The following RIC1 variants were observed in gnomAD, a reference collection of about 807,000 sequenced individuals.
RIC1 encodes RIC1 partner of RAB6A GEF complex, also known as guanine nucleotide exchange factor subunit RIC1.
In RIC1, 88 loss-of-function variants were observed where a neutral mutation model predicts 169.0. The ratio of observed to expected loss-of-function variants is 0.52; its 90% confidence interval spans 0.44 to 0.62. The LOEUF (loss-of-function observed/expected upper bound fraction) is 0.62. Ranked by LOEUF, RIC1 falls within the 20% of genes least tolerant of loss-of-function variation. The pLI is 0.00. For missense variants in RIC1, 1,877 were observed against 1,725.5 expected (o/e 1.09, Z -1.56); for synonymous variants, 790 against 601.5 (o/e 1.31, Z -4.59).
intron 8 of RIC1, among the ~76,000 whole-genome samples, chr9:5,739,188 C>T (rs1274783517): frequency 5.3e-5 from 8 of 152,126 alleles, no homozygotes; most frequent in Non-Finnish European, 8.8e-5. Context: ...TCTGAATCTC[C>T]CTAAGCCTTT....
intron 2 of RIC1, among the ~76,000 whole-genome samples, chr9:5,668,182 A>C (rs1278272559): frequency 6.6e-6 from 1 of 152,128 alleles, no homozygotes; most frequent in East Asian, 1.9e-4. Context: ...TCACGAGAAC[A>C]CCGTGAGGGT....
chr9:5,745,158 A>G (rs1041055296), intron 10 of RIC1, among the ~76,000 whole-genome samples: 4 of 152,194 alleles, frequency 2.6e-5, no homozygotes, highest in Admixed American at 6.6e-5. Flanking sequence ...TATTTTAACC[A>G]CAAACTAAGA....
chr9:5,693,178 T>G (rs1344128534), intron 3 of RIC1, among the ~76,000 whole-genome samples: 1 of 152,156 alleles, frequency 6.6e-6, no homozygotes, highest in Non-Finnish European at 1.5e-5. Context: ...GGCCAGTGGT[T>G]AATCATCCTC....
chr9:5,770,017 G>A (rs1563725730), intron 22 of RIC1, 70 bp from the exon 23 acceptor site: 2 of 1,361,970 alleles, frequency 1.5e-6, no homozygotes, highest in South Asian at 1.4e-5. Flanking sequence ...TAAAAGAGCT[G>A]AATTGAAAAT....
intron 3 of RIC1, among the ~76,000 whole-genome samples, chr9:5,696,557 G>A (rs1563908551): frequency 6.6e-6 from 1 of 151,744 alleles, no homozygotes; most frequent in Non-Finnish European, 1.5e-5. Flanking sequence ...CCCATAGTAT[G>A]TTTTAAAAAT....
chr9:5,686,881 C>A (rs369281852), intron 2 of RIC1, among the ~76,000 whole-genome samples: 1 of 152,024 alleles, frequency 6.6e-6, no homozygotes, highest in South Asian at 2.1e-4. Flanking sequence ...GAAGTGGTTC[C>A]TTCTCTTTGG....
chr9:5,655,041 A>G (rs1486322380), intron 1 of RIC1, among the ~76,000 whole-genome samples: 1 of 152,088 alleles, frequency 6.6e-6, no homozygotes, highest in African/African-American at 2.4e-5. Flanking sequence ...AGACAGTTTT[A>G]TTTATTCCTT....
At chr9:5,687,995 T>C (rs1241118212) in intron 2 of RIC1, among the ~76,000 whole-genome samples, 1 of 152,204 alleles carries the variant, frequency 6.6e-6, no homozygotes, top group Non-Finnish European at 1.5e-5. Context: ...CTGTCATTCA[T>C]CCAGCCAATG....
chr9:5,769,110 G>A lies in RIC1; in HGVS notation c.3278G>A (p.Trp1093Ter), dbSNP rs558509182. 1 of 1,614,078 alleles carries A rather than the reference G, an allele frequency of 6.2e-7. No homozygotes were observed. Among genetic ancestry groups the A allele is most frequent in the African/African-American group, 1.3e-5 (1 of 75,014 alleles). The change falls in exon 22 of 26, where the codon TGG becomes TAG. Residue 1093 changes from tryptophan to a stop codon, truncating the protein, a stop_gained. Coordinates refer to ENST00000414202, the MANE Select transcript of RIC1 (RefSeq NM_020829.4). LOFTEE classifies it high-confidence loss of function. The stretch of plus-strand genomic sequence containing the variant: ...CAGCTGGGCTTTGAACTAATTAGTT[G>A]GCTATGCAAGGAACGTACCCGAGCC... ...AAQLGFELIS[W>*]LCKERTRAAR... is the part of the protein sequence containing the mutation.
intron 6 of RIC1, among the ~76,000 whole-genome samples, chr9:5,724,182 T>G (rs1260294351): frequency 6.6e-6 from 1 of 152,250 alleles, no homozygotes; most frequent in Non-Finnish European, 1.5e-5. Context: ...TGATTCTTCC[T>G]ATCCATGAGC....
At chr9:5,740,963 C>G (rs1291971107) in intron 8 of RIC1, among the ~76,000 whole-genome samples, 1 of 152,164 alleles carries the variant, frequency 6.6e-6, no homozygotes, top group East Asian at 1.9e-4. Context: ...ATACCTTCTT[C>G]TTGAGACCAT....
intron 24 of RIC1, 71 bp downstream of exon 24, chr9:5,772,812 C>T: frequency 1.3e-6 from 2 of 1,547,048 alleles, no homozygotes; most frequent in Non-Finnish European, 1.8e-6. Flanking sequence ...TATGGGGCTA[C>T]TCTCCTAATA....
chr9:5,738,925 A>G (rs1306235676), intron 8 of RIC1, among the ~76,000 whole-genome samples: 1 of 152,040 alleles, frequency 6.6e-6, no homozygotes, highest in African/African-American at 2.4e-5. Flanking sequence ...CTTACCTTTG[A>G]TAGTTGAGTG....
chr9:5,720,428 G>C (rs761027759), intron 5 of RIC1, 104 bp downstream of exon 5: 1 of 1,262,672 alleles, frequency 7.9e-7, no homozygotes, highest in South Asian at 1.5e-5. Flanking sequence ...TTATGCAAGG[G>C]GAGAGGTGGG....
rs749301487 is a variant in RIC1 at position 5,757,322 on chromosome 9, T to A, written c.1863T>A (p.Thr621=). The A allele has an allele frequency of 3.1e-6, 5 of 1,613,948 alleles. No individual in the cohort carries two copies. In the Admixed American group the frequency reaches 6.7e-5, roughly 22 times the overall value. The change falls in exon 17 of 26, where the codon ACT becomes ACA. Residue 621 remains threonine (T), a synonymous_variant. Coordinates refer to ENST00000414202, the MANE Select transcript of RIC1 (RefSeq NM_020829.4). ...SIERKSDGPN[T]TAGIQVLQEV... ...TCTTTTGTTTTTACAGTCCAAATACTACTGCTGGTATTCAAGTTCTTCAGG... is the reference window on the plus strand; with the variant it reads ...TCTTTTGTTTTTACAGTCCAAATACAACTGCTGGTATTCAAGTTCTTCAGG...
At chr9:5,731,103 T>C (rs1824347071) in intron 6 of RIC1, among the ~76,000 whole-genome samples, 1 of 152,174 alleles carries the variant, frequency 6.6e-6, no homozygotes, top group South Asian at 2.1e-4. Flanking sequence ...ATTTTTTTTG[T>C]ATAGTATTTT....
chr9:5,697,802 C>T (rs537475659), intron 3 of RIC1, among the ~76,000 whole-genome samples: 1 of 152,162 alleles, frequency 6.6e-6, no homozygotes, highest in Admixed American at 6.5e-5. Context: ...TTATTGTATG[C>T]CTGCTATCTG....
intron 1 of RIC1, among the ~76,000 whole-genome samples, chr9:5,644,902 C>G (rs1010303756): frequency 6.6e-6 from 1 of 152,152 alleles, no homozygotes; most frequent in African/African-American, 2.4e-5. Context: ...TTCTGTTTCT[C>G]CACACCCGTT....
chr9:5,650,256 G>A (rs999263175), intron 1 of RIC1, among the ~76,000 whole-genome samples: 1 of 152,164 alleles, frequency 6.6e-6, no homozygotes, highest in Admixed American at 6.5e-5. Flanking sequence ...GGCTATGGCA[G>A]TAGTTGTGAT....
Sources: allele counts gnomAD v4.1 joint callset (sites outside exome capture counted in the v4.1 genomes callset), GRCh38; gene constraint gnomAD v4.1.1; transcripts MANE v1.5; gene names NCBI Gene and HGNC (gene_info 2026-07-23, HGNC 2026-07-21).